Variants in EXOC2 observed in about 807,000 individuals in gnomAD.
EXOC2 encodes SEC5-like 1.
A neutral mutation model predicts 131.8 loss-of-function variants in EXOC2; 70 were observed. The observed-to-expected ratio is 0.53, with a 90% CI of 0.44 to 0.65. The LOEUF (loss-of-function observed/expected upper bound fraction) is 0.65, where lower values mean the gene tolerates loss of function less well. Ranked by LOEUF, EXOC2 falls within the 30% of genes least tolerant of loss-of-function variation. The probability of loss-of-function intolerance (pLI) is 0.00; values close to 1 mark genes in which losing one functional copy is unlikely to be tolerated. For synonymous variants in EXOC2, 411 were observed against 398.4 expected, an observed-to-expected ratio of 1.03 and a Z score of -0.38; for missense variants, 923 against 1,108.6, an observed-to-expected ratio of 0.83 and a Z score of 2.38.
At chr6:525,134 A>C (rs955215898) in intron 23 of EXOC2, 1 of 152,194 alleles carries the variant, frequency 6.6e-6, no homozygotes, top group Non-Finnish European at 1.5e-5. Flanking sequence ...CTATTACTGA[A>C]ACCAAAATTC....
intron 11 of EXOC2, among the ~76,000 whole-genome samples, chr6:583,284 T>C (rs1759015481): frequency 6.6e-6 from 1 of 152,200 alleles, no homozygotes; most frequent in Admixed American, 6.5e-5. Context: ...TTTTTTTCTA[T>C]GAAGGATGGG....
intron 24 of EXOC2, 106 bp downstream of exon 24, chr6:499,539 T>G: frequency 1.1e-5 from 10 of 882,716 alleles, no homozygotes; most frequent in East Asian, 2.7e-5. Context: ...CCAAGACACA[T>G]TCTGAGGGAA....
intron 1 of EXOC2, chr6:656,271 C>T: frequency 1.2e-6 from 2 of 1,614,226 alleles, no homozygotes; most frequent in South Asian, 1.1e-5. Context: ...TTGCACCATG[C>T]TCTCCAGGTC....
In EXOC2 at chr6:646,418, G is replaced by A. The variant is rs138253691; in HGVS notation, c.-43-8557C>T. Among the ~76,000 whole-genome samples, 346 of 152,244 alleles carry A rather than the reference G, an allele frequency of 2.3e-3. 3 individuals are homozygous for A. Among genetic ancestry groups the A allele is most frequent in the African/African-American group, 8.2e-3 (339 of 41,530 alleles). On this transcript the variant is annotated intron_variant, in intron 1 of 27. Transcript: ENST00000230449. Reference sequence around the variant, plus strand: ...TGGAGTTACTAGTCACCAAAATGAAGGAAGTAAGTAAGGGGTTTATAGGAG... The same window carrying A: ...TGGAGTTACTAGTCACCAAAATGAAAGAAGTAAGTAAGGGGTTTATAGGAG...
intron 11 of EXOC2, among the ~76,000 whole-genome samples, chr6:580,969 T>C (rs1758858488): frequency 6.6e-6 from 1 of 152,062 alleles, no homozygotes; most frequent in African/African-American, 2.4e-5. Context: ...AAAATGGAAA[T>C]TACATCACAA....
chr6:495,571 T>C (rs1030770277), intron 25 of EXOC2, among the ~76,000 whole-genome samples: 3 of 152,188 alleles, frequency 2.0e-5, no homozygotes, highest in East Asian at 3.8e-4. Context: ...AGCTGGGTCA[T>C]AGGGTACGTA....
intron 10 of EXOC2, 105 bp from the exon 11 acceptor site, chr6:592,692 C>A (rs1273064521): frequency 1.4e-6 from 1 of 740,338 alleles, no homozygotes; most frequent in Non-Finnish European, 2.3e-6. Flanking sequence ...TGTGCCCTGT[C>A]AAATATTAGT....
intron 6 of EXOC2, among the ~76,000 whole-genome samples, chr6:613,093 C>T (rs754051406): frequency 2.0e-5 from 3 of 152,120 alleles, no homozygotes; most frequent in Admixed American, 2.0e-4. Flanking sequence ...GCTAACAACC[C>T]ACAGGTCACT....
intron 12 of EXOC2, among the ~76,000 whole-genome samples, chr6:574,536 GCCTCTT>G (rs1758475269): frequency 6.6e-6 from 1 of 152,180 alleles, no homozygotes; most frequent in Non-Finnish European, 1.5e-5. Context: ...AGGCTATAGA[GCCTCTT>G]TATTTATTAG....
intron 26 of EXOC2, among the ~76,000 whole-genome samples, chr6:490,793 G>C (rs1763384869): frequency 1.3e-5 from 2 of 152,130 alleles, no homozygotes; most frequent in Admixed American, 1.3e-4. Flanking sequence ...AAACCACAAG[G>C]CTTCCTCTTA....
At chr6:649,903 T>C (rs1762755987) in intron 1 of EXOC2, among the ~76,000 whole-genome samples, 1 of 152,236 alleles carries the variant, frequency 6.6e-6, no homozygotes, top group Non-Finnish European at 1.5e-5. Context: ...TGCTTCTCAG[T>C]AGTCTCCCTA....
chr6:521,158 G>A (rs1459121932), intron 23 of EXOC2, among the ~76,000 whole-genome samples: 5 of 149,616 alleles, frequency 3.3e-5, no homozygotes, highest in African/African-American at 9.9e-5. Context: ...GTCCACACTC[G>A]GAGATGAAAA....
chr6:675,596 A>G (rs544265850), intron 1 of EXOC2, among the ~76,000 whole-genome samples: 1,370 of 20,080 alleles, frequency 0.068, 44 homozygotes, highest in Middle Eastern at 0.18. Context: ...CTCCTCTGGC[A>G]ACTGCGGTTC....
chr6:529,102 A>C, intron 23 of EXOC2, among the ~76,000 whole-genome samples: 1 of 128,224 alleles, frequency 7.8e-6, no homozygotes, highest in East Asian at 2.1e-4. Context: ...TTAGCCCGGC[A>C]TCGCCTGCCT....
intron 4 of EXOC2, among the ~76,000 whole-genome samples, chr6:625,731 GTTTGAAGC>G (rs2127693531): frequency 6.6e-6 from 1 of 152,076 alleles, no homozygotes; most frequent in African/African-American, 2.4e-5. Flanking sequence ...TTTTCTTTCT[GTTTGAAGC>G]CAGGCCGATT....
At chr6:692,345 G>C (rs900711357) in intron 1 of EXOC2, among the ~76,000 whole-genome samples, 2 of 152,208 alleles carry the variant, frequency 1.3e-5, no homozygotes, top group African/African-American at 4.8e-5. Flanking sequence ...ACAATCTTGG[G>C]ATACAGGGTT....
intron 1 of EXOC2, among the ~76,000 whole-genome samples, chr6:658,650 T>A (rs1226940384): frequency 1.5e-5 from 1 of 68,962 alleles, no homozygotes; most frequent in African/African-American, 4.8e-5. Flanking sequence ...ATATTTTATA[T>A]ATATATATAT....
intron 23 of EXOC2, among the ~76,000 whole-genome samples, chr6:501,070 A>C (rs1440728955): frequency 7.6e-6 from 1 of 131,018 alleles, no homozygotes; most frequent in Non-Finnish European, 1.5e-5. Flanking sequence ...ATATATCTAT[A>C]TATCTATATA....
At chr6:655,841 T>TC in intron 1 of EXOC2, 1 of 316,728 alleles carries the variant, frequency 3.2e-6, no homozygotes, top group Non-Finnish European at 5.8e-6. Flanking sequence ...AACCCTGTTT[T>TC]TCCCCCCCGA....
Sources: gnomAD v4.1 joint callset for allele counts (sites outside exome capture counted in the v4.1 genomes callset) on GRCh38, gnomAD v4.1.1 for gene constraint, MANE v1.5 for transcripts, NCBI Gene and HGNC (gene_info 2026-07-23, HGNC 2026-07-21) for gene names.